Variants in MB21D2 observed in about 807,000 individuals in gnomAD.
MB21D2 encodes nucleotidyltransferase MB21D2.
A neutral mutation model predicts 33.3 loss-of-function variants in MB21D2; 9 were observed. The ratio of observed to expected loss-of-function variants is 0.27; its 90% CI spans 0.16 to 0.47. MB21D2 has a LOEUF of 0.47. Among genes scored for constraint, MB21D2 ranks in the 20% least tolerant of loss-of-function variants. The pLI is 0.99. For synonymous variants in MB21D2, 241 were observed against 236.3 expected (o/e 1.02, Z -0.18); for missense variants, 540 against 624.6 (o/e 0.86, Z 1.44).
intron 1 of MB21D2, among the ~76,000 whole-genome samples, chr3:192,867,885 G>A (rs1419909544): frequency 1.3e-5 from 2 of 152,274 alleles, no homozygotes; most frequent in East Asian, 3.9e-4. Context: ...TTAGACTAAG[G>A]CTGTCATGCT....
rs149514515 is a variant in MB21D2 at position 192,870,433 on chromosome 3, G to A, written c.211+47197C>T. Among the ~76,000 whole-genome samples the A allele has an allele frequency of 4.6e-4, 70 of 152,246 alleles. No individual in the cohort carries two copies. The East Asian group carries it at 0.01, about 22-fold the overall frequency. On this transcript the variant is annotated intron_variant, in intron 1 of 1. Transcript: ENST00000392452. The stretch of plus-strand genomic sequence containing the variant: ...TGGCCGGGCACACTGGCTCATGTCT[G>A]TAATCCCAGCACTTTGGGAGGCCGA...
chr3:192,877,026 A>G (rs1713446557), intron 1 of MB21D2, among the ~76,000 whole-genome samples: 2 of 152,168 alleles, frequency 1.3e-5, no homozygotes, highest in South Asian at 4.1e-4. Context: ...AGTAATTAAT[A>G]CAGGCTTATG....
chr3:192,803,570 C>G (rs1004926012), intron 1 of MB21D2, among the ~76,000 whole-genome samples: 3 of 152,152 alleles, frequency 2.0e-5, no homozygotes, highest in Non-Finnish European at 4.4e-5. Context: ...CCTTCCCCAG[C>G]GTTATACAAG....
At chr3:192,894,498 T>C (rs1221646692) in intron 1 of MB21D2, among the ~76,000 whole-genome samples, 1 of 152,146 alleles carries the variant, frequency 6.6e-6, no homozygotes, top group African/African-American at 2.4e-5. Context: ...CCCTTGAAGA[T>C]AAGCACAGGG....
At chr3:192,831,831 T>C (rs1234800564) in intron 1 of MB21D2, among the ~76,000 whole-genome samples, 1 of 152,178 alleles carries the variant, frequency 6.6e-6, no homozygotes, top group Non-Finnish European at 1.5e-5. Context: ...ATGAAAAGAC[T>C]GGAAGGATGA....
intron 1 of MB21D2, among the ~76,000 whole-genome samples, chr3:192,883,952 G>A (rs1057000129): frequency 6.6e-6 from 1 of 152,020 alleles, no homozygotes; most frequent in Non-Finnish European, 1.5e-5. Flanking sequence ...ATCAAATCTA[G>A]ATCAAATCTC....
In MB21D2 at chr3:192,799,123, C is replaced by G. The variant is rs759793359; in HGVS notation, c.739G>C (p.Val247Leu). The G allele has an allele frequency of 6.2e-7, 1 of 1,614,216 alleles. No homozygotes were observed. Among genetic ancestry groups the G allele is most frequent in the Non-Finnish European group, 8.5e-7 (1 of 1,180,014 alleles). ...TTCTCCATGAGCCAGCTCTGGGCCACTGCAGGCCAACCTTTGAAAGATACC... is the reference window on the plus strand; with the variant it reads ...TTCTCCATGAGCCAGCTCTGGGCCAGTGCAGGCCAACCTTTGAAAGATACC... ...PVVSFKGWPA[V>L]AQSWLMENHF... Residue 247 changes from valine (V) to leucine (L), a missense_variant, in exon 2 of 2, where the codon GTG becomes CTG. Physicochemically the swap from Val to Leu is conservative, Grantham distance 32 (BLOSUM62 1). Coordinates refer to ENST00000392452, the MANE Select transcript of MB21D2 (RefSeq NM_178496.4). This position sits in a 1 kb window ranked among gnomAD's most constrained non-coding sequence, Gnocchi z 4.1.
intron 1 of MB21D2, among the ~76,000 whole-genome samples, chr3:192,906,309 T>C (rs1714214603): frequency 6.6e-6 from 1 of 152,190 alleles, no homozygotes; most frequent in South Asian, 2.1e-4. Context: ...CTAGCAAAAG[T>C]GTGGTCCCAC....
chr3:192,876,935 C>T (rs73201160), intron 1 of MB21D2, among the ~76,000 whole-genome samples: 9,471 of 152,106 alleles, frequency 0.062, 407 homozygotes, highest in African/African-American at 0.11. Flanking sequence ...TCTAATAGTC[C>T]GCTGGTTGAG....
In MB21D2 at chr3:192,833,638, G is replaced by C. The variant is rs912163121; in HGVS notation, c.212-33988C>G. 7.2e-5 allele frequency among the ~76,000 whole-genome samples: 11 copies of C among 152,178 alleles called. No homozygotes were observed. In the East Asian group the frequency reaches 2.1e-3, roughly 29 times the overall value. ...GATTCTATGCTTTTCCAGCCTTACA[G>C]AGCAAGGAGACGTGGGGCAAGGGTT... On this transcript the variant is annotated intron_variant, in intron 1 of 1. Coordinates refer to ENST00000392452, the MANE Select transcript of MB21D2 (RefSeq NM_178496.4).
At chr3:192,805,407 GTTT>G (rs1336261107) in intron 1 of MB21D2, among the ~76,000 whole-genome samples, 1 of 152,212 alleles carries the variant, frequency 6.6e-6, no homozygotes, top group Admixed American at 6.5e-5. Context: ...AGGATAATAT[GTTT>G]TATATGTCAA....
chr3:192,805,699 CCTCT>C lies in MB21D2; in HGVS notation c.212-6053_212-6050del, dbSNP rs754654236. Among the ~76,000 whole-genome samples the C allele has an allele frequency of 5.9e-5, 9 of 152,278 alleles. No homozygotes were observed. The South Asian group carries it at 1.7e-3, about 28-fold the overall frequency. On this transcript the variant is annotated intron_variant, in intron 1 of 1. Coordinates refer to ENST00000392452, the MANE Select transcript of MB21D2 (RefSeq NM_178496.4). ...CAAGTGAGGCTAACAAATTACTTAA[CCTCT>C]CTGAGTTTCCAATTCCTTATCTATT...
chr3:192,895,132 T>G (rs1463878), intron 1 of MB21D2, among the ~76,000 whole-genome samples: 90,072 of 151,878 alleles, frequency 0.59, 30,624 homozygotes, highest in Non-Finnish European at 0.77. Context: ...GGCTCCCGCT[T>G]CTCAAGGGGC....
intron 1 of MB21D2, among the ~76,000 whole-genome samples, chr3:192,917,104 G>A (rs1011452403): frequency 6.6e-6 from 1 of 152,220 alleles, no homozygotes; most frequent in Non-Finnish European, 1.5e-5. Context: ...GCCACCGGGG[G>A]CTCGGCATGA....
intron 1 of MB21D2, among the ~76,000 whole-genome samples, chr3:192,816,686 T>C (rs1711933585): frequency 6.6e-6 from 1 of 152,176 alleles, no homozygotes; most frequent in Non-Finnish European, 1.5e-5. Context: ...GTTGGTAAGA[T>C]TCACAGCTTT....
At chr3:192,892,389 T>C (rs1451507125) in intron 1 of MB21D2, among the ~76,000 whole-genome samples, 4 of 152,230 alleles carry the variant, frequency 2.6e-5, no homozygotes, top group Non-Finnish European at 2.9e-5. Context: ...AGCAAATACA[T>C]GCTACAGAGA....
At chr3:192,895,795 C>T (rs1420555529) in intron 1 of MB21D2, among the ~76,000 whole-genome samples, 3 of 152,056 alleles carry the variant, frequency 2.0e-5, no homozygotes, top group African/African-American at 4.8e-5. Flanking sequence ...TGCAGTGGCA[C>T]GATCCTGGCT....
chr3:192,852,460 C>T (rs190758423), intron 1 of MB21D2, among the ~76,000 whole-genome samples: 81 of 152,266 alleles, frequency 5.3e-4, no homozygotes, highest in Middle Eastern at 3.4e-3. Context: ...CACCTTGCAA[C>T]CTGCTTCATA....
At chr3:192,851,678 T>G (rs1443242242) in intron 1 of MB21D2, among the ~76,000 whole-genome samples, 1 of 151,898 alleles carries the variant, frequency 6.6e-6, no homozygotes. Context: ...TATTTTTTTT[T>G]TAGTAAAGAC....
Sources: gnomAD v4.1 joint callset for allele counts (sites outside exome capture counted in the v4.1 genomes callset) on GRCh38, gnomAD v4.1.1 for gene constraint, Gnocchi (gnomAD v3.1) non-coding constraint, MANE v1.5 for transcripts, NCBI Gene and HGNC (gene_info 2026-07-23, HGNC 2026-07-21) for gene names.